LRRC7: variants seen among roughly 807,000 people sequenced by gnomAD.
LRRC7 encodes the protein leucine-rich repeat-containing protein 7.
A neutral mutation model predicts 175.7 loss-of-function variants in LRRC7; 23 were observed. The ratio of observed to expected loss-of-function variants is 0.13; its 90% CI spans 0.09 to 0.19. The LOEUF is 0.19. Among genes scored for constraint, LRRC7 ranks in the 10% least tolerant of loss-of-function variants. The pLI, the probability that LRRC7 is intolerant of heterozygous loss-of-function variation, is 1.00. For synonymous variants in LRRC7, 685 were observed against 680.9 expected (o/e 1.01, Z -0.09); for missense variants, 1,354 against 1,904.7 (o/e 0.71, Z 5.38).
intron 1 of LRRC7, among the ~76,000 whole-genome samples, chr1:69,647,008 T>G (rs1435567427): frequency 6.6e-6 from 1 of 151,964 alleles, no homozygotes; most frequent in Non-Finnish European, 1.5e-5. Context: ...GAGGAAAATC[T>G]TGGAAAGAAA....
intron 5 of LRRC7, among the ~76,000 whole-genome samples, chr1:69,828,391 C>A (rs966996100): frequency 1.3e-5 from 2 of 152,132 alleles, no homozygotes; most frequent in African/African-American, 4.8e-5. Flanking sequence ...TACACCAGTT[C>A]AGGTGTTCAG....
At chr1:69,853,471 G>A (rs984500447) in intron 7 of LRRC7, among the ~76,000 whole-genome samples, 10 of 151,762 alleles carry the variant, frequency 6.6e-5, no homozygotes, top group Non-Finnish European at 1.5e-4. Flanking sequence ...TAGAGATGGG[G>A]TTTCACCATG....
intron 1 of LRRC7, among the ~76,000 whole-genome samples, chr1:69,589,701 T>G (rs959235988): frequency 6.6e-6 from 1 of 152,190 alleles, no homozygotes; most frequent in Admixed American, 6.5e-5. Context: ...GGCCCCTTAT[T>G]AGGCACCCAC....
intron 1 of LRRC7, among the ~76,000 whole-genome samples, chr1:69,621,330 G>T (rs923995352): frequency 6.6e-6 from 1 of 152,142 alleles, no homozygotes; most frequent in South Asian, 2.1e-4. Flanking sequence ...ATAGGAGTGA[G>T]CCACCGCACC....
intron 7 of LRRC7, among the ~76,000 whole-genome samples, chr1:69,841,640 G>A (rs61784023): frequency 0.099 from 15,041 of 151,948 alleles, 1,753 homozygotes; most frequent in African/African-American, 0.28. Flanking sequence ...AGCACTTACC[G>A]CTCTCTATAT....
At chr1:70,116,726 A>C (rs911739791) in intron 26 of LRRC7, among the ~76,000 whole-genome samples, 1 of 152,138 alleles carries the variant, frequency 6.6e-6, no homozygotes, top group East Asian at 1.9e-4. Flanking sequence ...TTTTTGATAG[A>C]AAGGAAAGTT....
chr1:70,026,683 G>A (rs1658139199), intron 17 of LRRC7, among the ~76,000 whole-genome samples: 1 of 151,670 alleles, frequency 6.6e-6, no homozygotes, highest in Non-Finnish European at 1.5e-5. Flanking sequence ...ATTTATTTGA[G>A]AGTTTAAAGA....
chr1:69,903,423 G>A (rs148809249), intron 7 of LRRC7, among the ~76,000 whole-genome samples: 21 of 152,248 alleles, frequency 1.4e-4, no homozygotes, highest in East Asian at 7.7e-4. Flanking sequence ...GGACTGTGCC[G>A]TGAGGGACGG....
At chr1:69,757,472 A>G (rs979701870) in intron 2 of LRRC7, among the ~76,000 whole-genome samples, 1 of 152,010 alleles carries the variant, frequency 6.6e-6, no homozygotes, top group Non-Finnish European at 1.5e-5. Context: ...AAGAATTCCC[A>G]TGGAGCAGAG....
intron 3 of LRRC7, among the ~76,000 whole-genome samples, chr1:69,760,702 T>G (rs1158590650): frequency 1.3e-5 from 2 of 151,894 alleles, no homozygotes; most frequent in Non-Finnish European, 2.9e-5. Context: ...AGTTTATGTT[T>G]AGAAAGAAAG....
At chr1:70,042,066 G>A (rs1425214237) in intron 21 of LRRC7, among the ~76,000 whole-genome samples, 4 of 152,162 alleles carry the variant, frequency 2.6e-5, no homozygotes, top group South Asian at 2.1e-4. Flanking sequence ...ACATTCAATA[G>A]CTTCTCATTT....
In LRRC7 at chr1:70,039,661, T is replaced by C. The variant is rs1659690290; in HGVS notation, c.3837T>C (p.Gly1279=). 1 of 1,614,094 alleles carries C rather than the reference T, an allele frequency of 6.2e-7. No homozygotes were observed. The highest frequency in any genetic ancestry group is 8.5e-7 in the Non-Finnish European group (1 of 1,179,992). Residue 1279 remains glycine (G), a synonymous_variant, in exon 21 of 27, where the codon GGT becomes GGC. Transcript: ENST00000651989. ...CTGACTATAACTTGGGTAACTATGG[T>C]GACAAGCCATCAGATAACAGTGATT... ...IPSDYNLGNY[G]DKPSDNSDLK...
At chr1:70,100,538 AT>A (rs915942946) in intron 25 of LRRC7, among the ~76,000 whole-genome samples, 1 of 152,040 alleles carries the variant, frequency 6.6e-6, no homozygotes, top group Non-Finnish European at 1.5e-5. Context: ...TTATTAATAA[AT>A]TTTTTTACAA....
chr1:69,713,785 G>A (rs1665044352), intron 2 of LRRC7, among the ~76,000 whole-genome samples: 1 of 150,820 alleles, frequency 6.6e-6, no homozygotes, highest in Admixed American at 6.6e-5. Context: ...TGAATTCTGG[G>A]GAATAGAGAT....
At chr1:69,868,017 G>T (rs1557830783) in intron 7 of LRRC7, among the ~76,000 whole-genome samples, 1 of 152,038 alleles carries the variant, frequency 6.6e-6, no homozygotes, top group Non-Finnish European at 1.5e-5. Flanking sequence ...TAGAGTTAGA[G>T]GTATGAGAAT....
intron 1 of LRRC7, among the ~76,000 whole-genome samples, chr1:69,669,885 C>T (rs562323655): frequency 6.6e-6 from 1 of 152,086 alleles, no homozygotes; most frequent in African/African-American, 2.4e-5. Context: ...CTTCAGTATG[C>T]CAATTGGATT....
rs763113979 is a variant in LRRC7, at chr1:70,023,146, C to A, written c.1566C>A (p.Pro522=). Residue 522 remains proline (P), a synonymous_variant, in exon 17 of 27, where the codon CCC becomes CCA. Transcript: ENST00000651989. ...CACAGGATCTCTCCTGCCAAGCCCC[C>A]TGGGAAAGGGGCCAGCGTGGGATTA... ...GKVKDLSCQA[P]WERGQRGITL... is the part of the protein sequence containing the mutation. 6.0e-5 allele frequency: 86 copies of A among 1,444,416 alleles called. No homozygotes were observed. Among genetic ancestry groups the A allele is most frequent in the Middle Eastern group, 5.6e-4 (3 of 5,382 alleles). The allele number at this position is 1,444,416 out of a possible 1,614,324, so 89.5% of individuals were successfully genotyped here. A position where few individuals can be genotyped will look rare whatever the true frequency, so the allele number is the denominator to read the frequency against.
At chr1:70,006,473 A>C (rs1167771121) in intron 11 of LRRC7, among the ~76,000 whole-genome samples, 1 of 145,658 alleles carries the variant, frequency 6.9e-6, no homozygotes, top group Non-Finnish European at 1.5e-5. Flanking sequence ...CTCAGTCTCA[A>C]AAAAAAAAAA....
intron 1 of LRRC7, among the ~76,000 whole-genome samples, chr1:69,592,100 G>A (rs10489549): frequency 0.086 from 13,034 of 151,990 alleles, 994 homozygotes; most frequent in African/African-American, 0.2. Context: ...CTATAGGGTA[G>A]CATAAGTAAA....
Sources: gnomAD v4.1 joint callset for allele counts (sites outside exome capture counted in the v4.1 genomes callset) on GRCh38, gnomAD v4.1.1 for gene constraint, MANE v1.5 for transcripts, NCBI Gene and HGNC (gene_info 2026-07-23, HGNC 2026-07-21) for gene names.